Variants in TAOK3 observed in about 807,000 individuals in gnomAD.
The protein encoded by TAOK3 is TAO kinase 3.
Under a neutral mutation model 120.4 loss-of-function variants are expected in TAOK3, and 40 were observed. The observed-to-expected ratio is 0.33, with a 90% confidence interval of 0.26 to 0.43. The LOEUF is 0.43. Among genes scored for constraint, TAOK3 ranks in the 20% least tolerant of loss-of-function variants. The probability of loss-of-function intolerance (pLI) is 1.00; values close to 1 mark genes in which losing one functional copy is unlikely to be tolerated. For synonymous variants in TAOK3, 355 were observed against 387.5 expected (o/e 0.92, Z 0.99); for missense variants, 821 against 1,112.1 (o/e 0.74, Z 3.72).
intron 15 of TAOK3, among the ~76,000 whole-genome samples, chr12:118,180,768 A>G (rs2036664937): frequency 6.6e-6 from 1 of 152,174 alleles, no homozygotes; most frequent in Admixed American, 6.5e-5. Context: ...ACGTTCTCAG[A>G]AGATGGAAGC....
intron 1 of TAOK3, among the ~76,000 whole-genome samples, chr12:118,345,622 G>T (rs1487879351): frequency 6.6e-6 from 1 of 151,650 alleles, no homozygotes; most frequent in East Asian, 1.9e-4. Flanking sequence ...GAAAAAAACA[G>T]ACAGTTTTCA....
chr12:118,182,524 C>T (rs1334445973), intron 14 of TAOK3, among the ~76,000 whole-genome samples: 1 of 149,482 alleles, frequency 6.7e-6, no homozygotes. Flanking sequence ...GCCAAATGTT[C>T]CCTTGGGAAC....
intron 13 of TAOK3, 118 bp from the exon 14 acceptor site, chr12:118,190,059 T>C: frequency 1.5e-6 from 2 of 1,323,726 alleles, no homozygotes; most frequent in Non-Finnish European, 2.1e-6. Context: ...AGTTTAGCTC[T>C]CTGCTAGTCC....
At chr12:118,251,014 T>C (rs376491526) in intron 3 of TAOK3, among the ~76,000 whole-genome samples, 38 of 152,274 alleles carry the variant, frequency 2.5e-4, no homozygotes, top group South Asian at 1.4e-3. Context: ...CAAGTAGAGA[T>C]AGGGACCATG....
At chr12:118,168,984 CCTTCCTTCCTTCCTTCCTTTCTTT>C (rs952918606) in intron 17 of TAOK3, among the ~76,000 whole-genome samples, 6 of 146,738 alleles carry the variant, frequency 4.1e-5, no homozygotes, top group Non-Finnish European at 5.9e-5. Flanking sequence ...TTCCTTCCTT[CCTTCCTTCCTTCCTTCCTTTCTTT>C]CTTTCTTTCT....
chr12:118,182,623 A>ATATATATATATATATATATATATATTT (rs371125415), intron 14 of TAOK3, among the ~76,000 whole-genome samples: 1 of 92,414 alleles, frequency 1.1e-5, no homozygotes, highest in African/African-American at 4.9e-5. Context: ...ATATATATAT[A>ATATATATATATATATATATATATATTT]TTTTTTTTTT....
At chr12:118,181,739 T>C in intron 14 of TAOK3, 132 bp from the exon 15 acceptor site, 1 of 736,770 alleles carries the variant, frequency 1.4e-6, no homozygotes, top group East Asian at 2.5e-5. Context: ...GTTTAGTGAA[T>C]GCTCACCCGT....
At position 118,365,472 on chromosome 12, in the gene TAOK3, C is replaced by T. The variant is rs543872048; in HGVS notation, c.-194+7176G>A. On this transcript the variant is annotated intron_variant, in intron 1 of 20. Transcript: ENST00000392533. The stretch of plus-strand genomic sequence containing the variant: ...CTGTGTTGCCCAGCCTGGTCTTGAA[C>T]TCCTGGGCTCAAGAAATCCTCCCTC... Among the ~76,000 whole-genome samples, 3 of 152,222 alleles carry T rather than the reference C, an allele frequency of 2.0e-5. No individual in the cohort carries two copies. The South Asian group carries it at 6.2e-4, about 32-fold the overall frequency.
intron 20 of TAOK3, 38 bp downstream of exon 20, chr12:118,152,189 C>T (rs2034496113): frequency 2.5e-6 from 4 of 1,589,702 alleles, no homozygotes; most frequent in African/African-American, 1.3e-5. Flanking sequence ...CGCCCCCTTC[C>T]ACCCAGTGGC....
At chr12:118,259,533 C>T (rs957373161) in intron 2 of TAOK3, among the ~76,000 whole-genome samples, 12 of 152,142 alleles carry the variant, frequency 7.9e-5, no homozygotes, top group African/African-American at 2.7e-4. Flanking sequence ...GAGTAAGACC[C>T]TATCTCAAAA....
intron 1 of TAOK3, among the ~76,000 whole-genome samples, chr12:118,330,089 C>T (rs2044081843): frequency 6.6e-6 from 1 of 152,134 alleles, no homozygotes; most frequent in Non-Finnish European, 1.5e-5. Flanking sequence ...AAAATAATGA[C>T]AGAAGTCCTA....
intron 5 of TAOK3, among the ~76,000 whole-genome samples, chr12:118,243,185 CTCTT>C (rs1487989275): frequency 4.6e-5 from 7 of 152,132 alleles, no homozygotes; most frequent in Admixed American, 2.0e-4. Context: ...TTTTCACCAT[CTCTT>C]TCTGAGTGTT....
chr12:118,233,219 A>T (rs893371609), intron 9 of TAOK3, among the ~76,000 whole-genome samples: 27 of 126,932 alleles, frequency 2.1e-4, no homozygotes, highest in African/African-American at 7.9e-4. Context: ...ACATGGACAC[A>T]GGAAGGGGAA....
chr12:118,330,501 C>T (rs1392869895), intron 1 of TAOK3, among the ~76,000 whole-genome samples: 3 of 152,026 alleles, frequency 2.0e-5, no homozygotes, highest in African/African-American at 7.2e-5. Context: ...AGGCACTCTC[C>T]AGATGGTTAA....
chr12:118,357,233 A>G (rs973887654), intron 1 of TAOK3, among the ~76,000 whole-genome samples: 5 of 152,208 alleles, frequency 3.3e-5, no homozygotes, highest in Admixed American at 6.5e-5. Context: ...AACAATCTAG[A>G]ACTATAAACT....
chr12:118,364,774 G>A (rs894036715), intron 1 of TAOK3, among the ~76,000 whole-genome samples: 4 of 152,134 alleles, frequency 2.6e-5, no homozygotes, highest in South Asian at 2.1e-4. Context: ...GCATGGTGGC[G>A]GGTGCCTGTA....
At chr12:118,355,241 CA>C (rs1173986835) in intron 1 of TAOK3, among the ~76,000 whole-genome samples, 2 of 151,990 alleles carry the variant, frequency 1.3e-5, no homozygotes, top group Admixed American at 1.3e-4. Context: ...GTCACCAAAA[CA>C]AAAAAAATTT....
intron 13 of TAOK3, 75 bp from the exon 14 acceptor site, chr12:118,190,016 C>G (rs963609705): frequency 2.1e-5 from 33 of 1,581,156 alleles, no homozygotes; most frequent in Middle Eastern, 3.3e-4. Context: ...TCTCACCCCT[C>G]TTTCTGCACA....
chr12:118,283,106 T>C (rs1218435241), intron 1 of TAOK3, among the ~76,000 whole-genome samples: 1 of 152,232 alleles, frequency 6.6e-6, no homozygotes, highest in Non-Finnish European at 1.5e-5. Flanking sequence ...TTAAGCTTCT[T>C]CCATATCTAC....
Sources: gnomAD v4.1 joint callset for allele counts (sites outside exome capture counted in the v4.1 genomes callset) on GRCh38, gnomAD v4.1.1 for gene constraint, MANE v1.5 for transcripts, NCBI Gene and HGNC (gene_info 2026-07-23, HGNC 2026-07-21) for gene names.